Variants in EPHA6 observed in about 807,000 individuals in gnomAD.
EPHA6 encodes the protein ephrin type-A receptor 6.
EPHA6 carries 50 observed loss-of-function variants against 112.0 expected under a neutral mutation model. The observed-to-expected ratio is 0.45, with a 90% CI of 0.36 to 0.56. EPHA6 has a LOEUF of 0.56. Ranked by LOEUF, EPHA6 falls within the 20% of genes least tolerant of loss-of-function variation. EPHA6 has a pLI of 0.00. For synonymous variants in EPHA6, 529 were observed against 490.7 expected (o/e 1.08, Z -1.03); for missense variants, 1,280 against 1,417.4 (o/e 0.90, Z 1.56).
intron 6 of EPHA6, among the ~76,000 whole-genome samples, chr3:97,407,676 G>C (rs181614155): frequency 1.3e-5 from 2 of 151,828 alleles, no homozygotes; most frequent in Non-Finnish European, 2.9e-5. Flanking sequence ...ACTATGAAAG[G>C]CACTTTAAAA....
At chr3:96,917,768 A>G (rs62263685) in intron 2 of EPHA6, among the ~76,000 whole-genome samples, 4,583 of 152,286 alleles carry the variant, frequency 0.03, 104 homozygotes, top group Middle Eastern at 0.065. Flanking sequence ...ATGTCTCACC[A>G]AACAAAAGTA....
At chr3:97,371,791 A>G (rs1294944414) in intron 5 of EPHA6, among the ~76,000 whole-genome samples, 1 of 152,148 alleles carries the variant, frequency 6.6e-6, no homozygotes, top group Admixed American at 6.5e-5. Context: ...GAGAAAGAGA[A>G]TGCATGCCTA....
At chr3:97,347,657 A>G (rs943912349) in intron 5 of EPHA6, among the ~76,000 whole-genome samples, 2 of 152,098 alleles carry the variant, frequency 1.3e-5, no homozygotes, top group Admixed American at 1.3e-4. Flanking sequence ...GCTAATAGAT[A>G]AAAGAGCCAT....
intron 3 of EPHA6, among the ~76,000 whole-genome samples, chr3:96,995,139 G>A (rs2043373248): frequency 6.6e-6 from 1 of 151,930 alleles, no homozygotes; most frequent in Non-Finnish European, 1.5e-5. Context: ...TGTTATTAAG[G>A]CTTCATGGCG....
At chr3:97,170,108 T>A (rs1197467282) in intron 3 of EPHA6, among the ~76,000 whole-genome samples, 1 of 143,476 alleles carries the variant, frequency 7.0e-6, no homozygotes, top group East Asian at 2.0e-4. Context: ...TTAGCACATG[T>A]ATCCCAGAAC....
chr3:96,969,953 T>C (rs754621838), intron 2 of EPHA6, among the ~76,000 whole-genome samples: 3 of 152,204 alleles, frequency 2.0e-5, no homozygotes, highest in South Asian at 2.1e-4. Context: ...TTATTTCATA[T>C]GTGATGTTTA....
intron 4 of EPHA6, among the ~76,000 whole-genome samples, chr3:97,234,684 G>A (rs2078630529): frequency 1.3e-5 from 2 of 152,004 alleles, no homozygotes; most frequent in African/African-American, 2.4e-5. Flanking sequence ...CACCATTGAT[G>A]ATTCTTCTTC....
intron 10 of EPHA6, among the ~76,000 whole-genome samples, chr3:97,526,937 G>A (rs1425207427): frequency 1.3e-5 from 2 of 152,128 alleles, no homozygotes; most frequent in African/African-American, 4.8e-5. Context: ...CTAGAGCTGA[G>A]ATAGGGCCCC....
chr3:96,834,206 A>T (rs1256658899), intron 1 of EPHA6, among the ~76,000 whole-genome samples: 1 of 152,012 alleles, frequency 6.6e-6, no homozygotes, highest in Non-Finnish European at 1.5e-5. Flanking sequence ...ACGTTTGCAT[A>T]AACCCAGACT....
chr3:97,432,059 T>C (rs557325764), intron 6 of EPHA6, among the ~76,000 whole-genome samples: 12 of 152,264 alleles, frequency 7.9e-5, no homozygotes, highest in Admixed American at 2.6e-4. Flanking sequence ...AGTTACTGGC[T>C]ATATAAAGAT....
At chr3:97,459,357 C>T (rs2090807983) in intron 7 of EPHA6, among the ~76,000 whole-genome samples, 1 of 152,162 alleles carries the variant, frequency 6.6e-6, no homozygotes. Context: ...GGGGGTGGGA[C>T]CCAGCATTCT....
chr3:96,894,189 A>G (rs1474557678), intron 2 of EPHA6, among the ~76,000 whole-genome samples: 1 of 152,192 alleles, frequency 6.6e-6, no homozygotes, highest in African/African-American at 2.4e-5. Context: ...GTATGTCAGT[A>G]AGAACACACT....
At chr3:97,118,895 G>A (rs76923535) in intron 3 of EPHA6, among the ~76,000 whole-genome samples, 5,610 of 151,856 alleles carry the variant, frequency 0.037, 381 homozygotes, top group African/African-American at 0.13. Flanking sequence ...CAAGCAGATC[G>A]ATACCATCTC....
intron 10 of EPHA6, among the ~76,000 whole-genome samples, chr3:97,497,373 A>G (rs1231290623): frequency 6.6e-6 from 1 of 152,096 alleles, no homozygotes; most frequent in Non-Finnish European, 1.5e-5. Context: ...CAGTAACATC[A>G]TGGCTCTGTC....
chr3:97,489,835 A>C (rs1238683561), intron 10 of EPHA6, among the ~76,000 whole-genome samples: 1 of 152,206 alleles, frequency 6.6e-6, no homozygotes, highest in Admixed American at 6.5e-5. Context: ...AAACTATTCT[A>C]CAGTAGTCTA....
At chr3:97,054,197 AC>A in intron 3 of EPHA6, among the ~76,000 whole-genome samples, 1 of 150,132 alleles carries the variant, frequency 6.7e-6, no homozygotes, top group Admixed American at 6.7e-5. Flanking sequence ...CACACACACA[AC>A]AGATTAAGAA....
chr3:97,517,462 A>T (rs535510536), intron 10 of EPHA6, among the ~76,000 whole-genome samples: 6 of 151,982 alleles, frequency 3.9e-5, no homozygotes, highest in Non-Finnish European at 8.8e-5. Flanking sequence ...TCTTTTTCAT[A>T]AATGTTATTT....
intron 10 of EPHA6, among the ~76,000 whole-genome samples, chr3:97,512,285 T>C (rs925127272): frequency 6.6e-6 from 1 of 152,204 alleles, no homozygotes; most frequent in Non-Finnish European, 1.5e-5. Flanking sequence ...TGAGTATTTT[T>C]CATTTAAGAT....
intron 14 of EPHA6, among the ~76,000 whole-genome samples, chr3:97,640,580 G>C (rs747641255): frequency 6.6e-6 from 1 of 150,694 alleles, no homozygotes; most frequent in African/African-American, 2.5e-5. Context: ...AGACCAGCCC[G>C]ACCAATATGG....
Sources: gnomAD v4.1 joint callset for allele counts (sites outside exome capture counted in the v4.1 genomes callset) on GRCh38, gnomAD v4.1.1 for gene constraint, MANE v1.5 for transcripts, NCBI Gene and HGNC (gene_info 2026-07-23, HGNC 2026-07-21) for gene names.